The following SEMA6A variants were observed in gnomAD, a reference collection of about 807,000 sequenced individuals.
SEMA6A encodes the protein semaphorin-6A.
In SEMA6A, 25 loss-of-function variants were observed where a neutral mutation model predicts 96.8. That is an observed-to-expected ratio of 0.26 (90% CI 0.19 to 0.36). The LOEUF (loss-of-function observed/expected upper bound fraction) is 0.36. Among genes scored for constraint, SEMA6A ranks in the 10% least tolerant of loss-of-function variants. The pLI is 1.00. For synonymous variants in SEMA6A, 612 were observed against 518.0 expected, an observed-to-expected ratio of 1.18 and a Z score of -2.46; for missense variants, 1,363 against 1,323.1, an observed-to-expected ratio of 1.03 and a Z score of -0.47.
At chr5:116,566,783 C>T (rs983260085) in intron 1 of SEMA6A, among the ~76,000 whole-genome samples, 2 of 152,204 alleles carry the variant, frequency 1.3e-5, no homozygotes, top group African/African-American at 4.8e-5. Flanking sequence ...CTACTGGGGT[C>T]AGCCAATTAT....
chr5:116,475,857 T>G (rs1234533492), intron 15 of SEMA6A, among the ~76,000 whole-genome samples: 1 of 152,262 alleles, frequency 6.6e-6, no homozygotes, highest in Admixed American at 6.5e-5. Flanking sequence ...GCTTGCAGAT[T>G]ATTTACATCC....
chr5:116,559,298 C>G (rs948671885), intron 1 of SEMA6A, among the ~76,000 whole-genome samples: 4 of 152,156 alleles, frequency 2.6e-5, no homozygotes, highest in Non-Finnish European at 5.9e-5. Flanking sequence ...AATAACTCCT[C>G]CCTCCTCAGG....
chr5:116,527,437 C>T (rs1459274300), intron 1 of SEMA6A, among the ~76,000 whole-genome samples: 2 of 152,150 alleles, frequency 1.3e-5, no homozygotes, highest in Admixed American at 6.5e-5. Context: ...GAAATACATG[C>T]GCTTTTTTCT....
At chr5:116,487,583 G>A (rs1757122053) in intron 9 of SEMA6A, among the ~76,000 whole-genome samples, 2 of 152,230 alleles carry the variant, frequency 1.3e-5, no homozygotes, top group Non-Finnish European at 2.9e-5. Flanking sequence ...TGAATCTCGG[G>A]CCAGGTGCGG....
At chr5:116,570,282 A>T (rs1179144523) in intron 1 of SEMA6A, among the ~76,000 whole-genome samples, 2 of 152,224 alleles carry the variant, frequency 1.3e-5, no homozygotes, top group African/African-American at 4.8e-5. Flanking sequence ...AGATGAGAAA[A>T]GCCTTCACGC....
intron 18 of SEMA6A, among the ~76,000 whole-genome samples, chr5:116,454,787 TAA>T (rs1754892217): frequency 2.2e-5 from 1 of 44,638 alleles, no homozygotes; most frequent in Non-Finnish European, 5.0e-5. Context: ...CCTTTTCCTT[TAA>T]GTGTGTGTGT....
At chr5:116,495,643 T>C (rs1757559822) in intron 5 of SEMA6A, 129 bp from the exon 6 acceptor site, 2 of 625,088 alleles carry the variant, frequency 3.2e-6, no homozygotes, top group Non-Finnish European at 2.8e-6. Flanking sequence ...CATTAAAAGT[T>C]CAAGTTCTTC....
chr5:116,510,917 T>A (rs556405227), intron 1 of SEMA6A, among the ~76,000 whole-genome samples: 1 of 152,342 alleles, frequency 6.6e-6, no homozygotes, highest in African/African-American at 2.4e-5. Context: ...CTACTGAGTA[T>A]CTTCTGTGTG....
At chr5:116,447,921 C>T (rs1046338819) in intron 18 of SEMA6A, 110 bp from the exon 19 acceptor site, 1 of 846,172 alleles carries the variant, frequency 1.2e-6, no homozygotes, top group East Asian at 2.7e-5. Context: ...ACAACAGCAC[C>T]TCTGCACAAC....
intron 1 of SEMA6A, among the ~76,000 whole-genome samples, chr5:116,519,680 CACACACACACACGCACACACAT>C (rs1758839891): frequency 6.7e-6 from 1 of 149,308 alleles, no homozygotes; most frequent in Non-Finnish European, 1.5e-5. Context: ...CACACACACA[CACACACACACACGCACACACAT>C]ACATTATACA....
intron 1 of SEMA6A, among the ~76,000 whole-genome samples, chr5:116,522,977 A>G (rs962909171): frequency 9.2e-5 from 14 of 152,184 alleles, no homozygotes; most frequent in Non-Finnish European, 1.8e-4. Flanking sequence ...TAAACTAGAG[A>G]GAAAAGAAAG....
intron 1 of SEMA6A, among the ~76,000 whole-genome samples, chr5:116,563,421 T>C (rs1337579238): frequency 1.3e-5 from 2 of 152,228 alleles, no homozygotes; most frequent in African/African-American, 4.8e-5. Context: ...ATCACATTTT[T>C]CCTTGTAATG....
intron 1 of SEMA6A, among the ~76,000 whole-genome samples, chr5:116,555,616 A>G (rs1334644569): frequency 6.6e-6 from 1 of 151,916 alleles, no homozygotes; most frequent in Non-Finnish European, 1.5e-5. Flanking sequence ...AGGCAGGAGG[A>G]CCATTTGAAG....
In SEMA6A at chr5:116,545,367, C is replaced by T. The variant is rs192267868; in HGVS notation, c.-39+28818G>A. 4.3e-3 allele frequency among the ~76,000 whole-genome samples: 649 copies of T among 152,016 alleles called. 1 individual carries two copies. The highest frequency in any genetic ancestry group is 0.015 in the African/African-American group (620 of 41,488). ...GGCGGATCACCTGAGGTCAGGAGTTCGAGACAAGCCTGGCCAACATGGTCA... is the reference window on the plus strand; with the variant it reads ...GGCGGATCACCTGAGGTCAGGAGTTTGAGACAAGCCTGGCCAACATGGTCA... On this transcript the variant is annotated intron_variant, in intron 1 of 18. Transcript: ENST00000343348.
intron 18 of SEMA6A, among the ~76,000 whole-genome samples, chr5:116,465,543 ACACCCATGCAGT>A (rs1296020897): frequency 6.6e-6 from 1 of 152,220 alleles, no homozygotes; most frequent in Non-Finnish European, 1.5e-5. Context: ...ATCATGTTAA[ACACCCATGCAGT>A]CACCTCTGCC....
At chr5:116,539,377 G>A (rs963494134) in intron 1 of SEMA6A, among the ~76,000 whole-genome samples, 5 of 152,144 alleles carry the variant, frequency 3.3e-5, no homozygotes, top group African/African-American at 4.8e-5. Context: ...ATAATCTGAC[G>A]TGCTATGAAA....
At chr5:116,472,831 G>T in intron 17 of SEMA6A, 1 of 1,321,512 alleles carries the variant, frequency 7.6e-7, no homozygotes, top group Non-Finnish European at 1.0e-6. Context: ...ATAAACTACT[G>T]CTGGATGAAT....
chr5:116,491,837 G>A lies in SEMA6A; in HGVS notation c.445-7C>T, dbSNP rs1757343819. The A allele has an allele frequency of 1.3e-6, 2 of 1,596,776 alleles. No individual in the cohort carries two copies. The highest frequency in any genetic ancestry group is 2.7e-5 in the African/African-American group (2 of 74,494). On this transcript the variant is annotated splice_region_variant and splice_polypyrimidine_tract_variant and intron_variant, in intron 6 of 18. Transcript: ENST00000343348. The stretch of plus-strand genomic sequence containing the variant: ...ATGGTTCCAATGTATCCATCTAAAT[G>A]AAATAATCAGACTTAATTACAAACA...
chr5:116,552,116 G>A (rs1278357406), intron 1 of SEMA6A, among the ~76,000 whole-genome samples: 2 of 152,186 alleles, frequency 1.3e-5, no homozygotes, highest in South Asian at 2.1e-4. Context: ...TTAACCTGGA[G>A]AGCACTGCAA....
Sources: allele counts gnomAD v4.1 joint callset (sites outside exome capture counted in the v4.1 genomes callset), GRCh38; gene constraint gnomAD v4.1.1; transcripts MANE v1.5; gene names NCBI Gene and HGNC (gene_info 2026-07-23, HGNC 2026-07-21).